Variants in DNM3 observed in about 807,000 individuals in gnomAD.
DNM3 encodes the protein dynamin 3.
DNM3 carries 47 observed loss-of-function variants against 101.6 expected under a neutral mutation model. That is an observed-to-expected ratio of 0.46 (90% confidence interval 0.37 to 0.59). The LOEUF is 0.59. DNM3 is among the 20% of genes least tolerant of loss of function. DNM3 has a pLI of 0.00. For missense variants in DNM3, 849 were observed against 1,085.7 expected (o/e 0.78, Z 3.06); for synonymous variants, 385 against 387.9 (o/e 0.99, Z 0.09).
In DNM3 at chr1:172,068,843, G is replaced by A. The variant is rs1160229439; in HGVS notation, c.1360G>A (p.Glu454Lys). The A allele has an allele frequency of 8.9e-6, 14 of 1,574,260 alleles. No homozygotes were observed. Among genetic ancestry groups the A allele is most frequent in the East Asian group, 2.3e-5 (1 of 43,030 alleles). Residue 454 changes from glutamate to lysine, a missense_variant, in exon 11 of 21, where the codon GAG becomes AAG. Coordinates refer to ENST00000627582, the MANE Select transcript of DNM3 (RefSeq NM_015569.5). ...KKLANFPRLC[E>K]ETERIVANHI... ...GCTGGCAAACTTCCCCAGACTCTGC[G>A]AGGAAACGGAAAGGATTGTTGCTAA... is the stretch of plus-strand genomic sequence containing the variant.
chr1:172,364,762 G>A (rs149007069), intron 17 of DNM3, among the ~76,000 whole-genome samples: 193 of 151,924 alleles, frequency 1.3e-3, no homozygotes, highest in African/African-American at 4.1e-3. Flanking sequence ...ATCTCCCCTT[G>A]GTACTGTCCT....
intron 4 of DNM3, among the ~76,000 whole-genome samples, chr1:172,001,086 G>A (rs952910640): frequency 1.3e-5 from 2 of 152,004 alleles, no homozygotes; most frequent in Admixed American, 1.3e-4. Context: ...ACCTGTGAGA[G>A]TCCTGGCCAT....
intron 14 of DNM3, among the ~76,000 whole-genome samples, chr1:172,218,191 G>C (rs1359192313): frequency 6.6e-6 from 1 of 152,122 alleles, no homozygotes; most frequent in Non-Finnish European, 1.5e-5. Flanking sequence ...AATAGGAAGA[G>C]AGTAAAAGAA....
At chr1:172,211,265 A>G (rs2060503344) in intron 14 of DNM3, among the ~76,000 whole-genome samples, 1 of 152,118 alleles carries the variant, frequency 6.6e-6, no homozygotes, top group African/African-American at 2.4e-5. Context: ...CGTAATTACT[A>G]GTATTTTCCA....
intron 1 of DNM3, among the ~76,000 whole-genome samples, chr1:171,883,752 G>A (rs944443981): frequency 6.6e-6 from 1 of 152,180 alleles, no homozygotes; most frequent in Non-Finnish European, 1.5e-5. Context: ...TTACAGGCAT[G>A]AGCCACCGCA....
At chr1:172,368,760 G>GA (rs923987478) in intron 17 of DNM3, among the ~76,000 whole-genome samples, 2 of 151,714 alleles carry the variant, frequency 1.3e-5, no homozygotes, top group Admixed American at 6.6e-5. Context: ...AATCCATAAT[G>GA]AAAAAATGAA....
rs372874930 is a variant in DNM3, at chr1:171,992,177, A to G, written c.589+3029A>G. On this transcript the variant is annotated intron_variant, in intron 4 of 20. Coordinates refer to ENST00000627582, the MANE Select transcript of DNM3 (RefSeq NM_015569.5). Reference sequence around the variant, plus strand: ...AGTGATTTCTTAAAATTGGTTTAACATATTCATGCTATATTTTACCCCTGT... The same window carrying G: ...AGTGATTTCTTAAAATTGGTTTAACGTATTCATGCTATATTTTACCCCTGT... Among the ~76,000 whole-genome samples, 33 of 152,304 alleles carry G rather than the reference A, an allele frequency of 2.2e-4. No individual in the cohort carries two copies. The South Asian group carries it at 6.6e-3, about 31-fold the overall frequency.
chr1:172,402,256 G>GT (rs1451158856), intron 20 of DNM3, among the ~76,000 whole-genome samples: 3 of 152,076 alleles, frequency 2.0e-5, no homozygotes, highest in African/African-American at 7.2e-5. Context: ...ATAGAAAATG[G>GT]TTTTTGTAGA....
Position 172,411,709 on chromosome 1 carries a change from C to A in DNM3, c.*3868C>A, listed in dbSNP as rs1213426673. ...ATAATTATTTGAAAGTGACAGGAAT[C>A]TCCTCAGAATGAAGAATAAAGCCTA... On this transcript the variant is annotated 3_prime_UTR_variant, in exon 21 of 21. Coordinates refer to ENST00000627582, the MANE Select transcript of DNM3 (RefSeq NM_015569.5). 4.1e-6 allele frequency: 4 copies of A among 985,104 alleles called. No individual in the cohort carries two copies. The African/African-American group carries it at 7.0e-5, about 17-fold the overall frequency. 61.0% of individuals were successfully genotyped at this position (985,104 alleles called of 1,614,324 possible). A position where few individuals can be genotyped will look rare whatever the true frequency, so the allele number is the denominator to read the frequency against.
At chr1:172,215,785 T>C (rs1172975991) in intron 14 of DNM3, among the ~76,000 whole-genome samples, 2 of 152,002 alleles carry the variant, frequency 1.3e-5, no homozygotes, top group East Asian at 1.9e-4. Context: ...AGCCAGGTAA[T>C]TGATGCGTCA....
intron 2 of DNM3, among the ~76,000 whole-genome samples, chr1:171,966,553 C>G (rs1185410385): frequency 6.6e-6 from 1 of 152,234 alleles, no homozygotes; most frequent in Non-Finnish European, 1.5e-5. Flanking sequence ...GGAAGAGAGT[C>G]TCTGGCATCG....
At chr1:172,242,708 A>C (rs566952662) in intron 14 of DNM3, among the ~76,000 whole-genome samples, 28 of 152,212 alleles carry the variant, frequency 1.8e-4, no homozygotes, top group Middle Eastern at 3.4e-3. Flanking sequence ...TCCCCAAACA[A>C]CTGGGATTAC....
At chr1:172,381,288 G>T (rs1308106240) in intron 18 of DNM3, among the ~76,000 whole-genome samples, 1 of 151,970 alleles carries the variant, frequency 6.6e-6, no homozygotes, top group Admixed American at 6.6e-5. Context: ...GATCACCAAG[G>T]TCAAATCTTG....
At chr1:172,088,416 T>C (rs2053680085) in intron 12 of DNM3, among the ~76,000 whole-genome samples, 1 of 152,168 alleles carries the variant, frequency 6.6e-6, no homozygotes, top group Non-Finnish European at 1.5e-5. Context: ...TTCAGGGAAC[T>C]AATTTGTACT....
intron 13 of DNM3, among the ~76,000 whole-genome samples, chr1:172,115,298 C>A (rs539344768): frequency 1.1e-4 from 16 of 152,256 alleles, no homozygotes; most frequent in African/African-American, 3.6e-4. Context: ...CATCTGGAAT[C>A]TGACCACTTC....
At chr1:172,233,900 A>G (rs1014327497) in intron 14 of DNM3, among the ~76,000 whole-genome samples, 3 of 152,228 alleles carry the variant, frequency 2.0e-5, no homozygotes, top group Non-Finnish European at 2.9e-5. Flanking sequence ...TCAAAATAAT[A>G]AGAGCTATTT....
At chr1:172,108,576 G>A (rs376677925) in intron 13 of DNM3, among the ~76,000 whole-genome samples, 5 of 152,154 alleles carry the variant, frequency 3.3e-5, no homozygotes, top group East Asian at 3.8e-4. Context: ...ATGTAAACAT[G>A]TGGAGCATTC....
chr1:172,347,018 CTAAA>C (rs1376258013), intron 17 of DNM3, among the ~76,000 whole-genome samples: 2 of 152,116 alleles, frequency 1.3e-5, no homozygotes, highest in Non-Finnish European at 2.9e-5. Context: ...GACCTTGGCA[CTAAA>C]TAAAAGGGGA....
chr1:172,338,714 T>C (rs778572708), intron 17 of DNM3: 1 of 406,998 alleles, frequency 2.5e-6, no homozygotes, highest in Non-Finnish European at 4.9e-6. Context: ...ATTAACTCAC[T>C]CTTTTCTGTA....
Sources: allele counts gnomAD v4.1 joint callset (sites outside exome capture counted in the v4.1 genomes callset), GRCh38; gene constraint gnomAD v4.1.1; transcripts MANE v1.5; gene names NCBI Gene and HGNC (gene_info 2026-07-23, HGNC 2026-07-21).